CCDC3: variants seen among roughly 807,000 people sequenced by gnomAD.
CCDC3 encodes coiled-coil domain-containing protein 3.
CCDC3 carries 24 observed loss-of-function variants against 21.4 expected under a neutral mutation model. The observed-to-expected ratio is 1.12, with a 90% CI of 0.81 to 1.58. The LOEUF is 1.58. Among genes scored for constraint, CCDC3 ranks in the 40% most tolerant of loss-of-function variants. The probability of loss-of-function intolerance (pLI) is 0.00; values close to 1 mark genes in which losing one functional copy is unlikely to be tolerated. For missense variants in CCDC3, 425 were observed against 360.9 expected (o/e 1.18, Z -1.44); for synonymous variants, 186 against 166.0 (o/e 1.12, Z -0.93).
chr10:13,066,733 C>A (rs577408476), intron 4 of CCDC3, among the ~76,000 whole-genome samples: 2 of 152,252 alleles, frequency 1.3e-5, no homozygotes, highest in African/African-American at 4.8e-5. Flanking sequence ...CCTGCCCACA[C>A]GTGCACTGGG....
chr10:13,005,129 T>C (rs1835911247), upstream of CCDC3, among the ~76,000 whole-genome samples: 2 of 152,158 alleles, frequency 1.3e-5, no homozygotes, highest in Admixed American at 6.5e-5. Context: ...TACAACAAAA[T>C]CTGCTGCTCA....
At chr10:12,968,636 G>A (rs1012951771) in intron 2 of CCDC3, among the ~76,000 whole-genome samples, 3 of 152,096 alleles carry the variant, frequency 2.0e-5, no homozygotes, top group Non-Finnish European at 4.4e-5. Context: ...TTAGTATGAA[G>A]GTTAAAAGAT....
chr10:12,991,800 A>C (rs939128345), intron 2 of CCDC3, among the ~76,000 whole-genome samples: 1 of 152,210 alleles, frequency 6.6e-6, no homozygotes, highest in East Asian at 1.9e-4. Flanking sequence ...TCTGAACACT[A>C]AACAGTTAGA....
At chr10:13,016,699 G>A (rs1836066701) in intron 5 of CCDC3, among the ~76,000 whole-genome samples, 1 of 151,974 alleles carries the variant, frequency 6.6e-6, no homozygotes. Context: ...CTCTCAAGTG[G>A]GGCCTCCTTC....
intron 5 of CCDC3, among the ~76,000 whole-genome samples, chr10:13,019,193 C>T (rs568164805): frequency 7.2e-5 from 11 of 151,990 alleles, no homozygotes; most frequent in Non-Finnish European, 1.5e-4. Flanking sequence ...TTGATCGTGC[C>T]ACTGCACTTC....
intron 2 of CCDC3, among the ~76,000 whole-genome samples, chr10:12,994,340 G>A (rs1023959185): frequency 2.0e-5 from 3 of 151,396 alleles, no homozygotes; most frequent in Non-Finnish European, 4.4e-5. Context: ...AGAGGCTGCA[G>A]TAAGCCGAGA....
intron 2 of CCDC3, among the ~76,000 whole-genome samples, chr10:12,947,842 G>A (rs577846749): frequency 6.6e-6 from 1 of 152,298 alleles, no homozygotes; most frequent in South Asian, 2.1e-4. Context: ...TGCTAAGCAC[G>A]GCCTCCTGAC....
chr10:13,023,922 A>G (rs976707535), intron 5 of CCDC3, among the ~76,000 whole-genome samples: 1 of 152,126 alleles, frequency 6.6e-6, no homozygotes, highest in African/African-American at 2.4e-5. Flanking sequence ...CCTGCAATAG[A>G]CATTCCTACT....
chr10:13,016,843 C>A (rs1836068620), intron 5 of CCDC3, among the ~76,000 whole-genome samples: 1 of 152,076 alleles, frequency 6.6e-6, no homozygotes, highest in Non-Finnish European at 1.5e-5. Flanking sequence ...AAGAGGCGAC[C>A]TAGCACATGT....
Position 13,052,428 on chromosome 10 carries a change from C to T in CCDC3, c.-269-2487G>A, listed in dbSNP as rs529966742. Among the ~76,000 whole-genome samples, 21 of 152,274 alleles carry T rather than the reference C, an allele frequency of 1.4e-4. No individual in the cohort carries two copies. The South Asian group carries it at 1.9e-3, about 14-fold the overall frequency. On this transcript the variant is annotated intron_variant, in intron 4 of 6. Coordinates refer to the CCDC3 transcript ENST00000378839. ...ATTGCTTACCTGATTTGATCAGGTA[C>T]GTTGTTTTATTCTATTCCATTTTAT...
chr10:13,084,831 G>A (rs1837083744), intron 3 of CCDC3, among the ~76,000 whole-genome samples: 1 of 152,162 alleles, frequency 6.6e-6, no homozygotes. Context: ...CTAGGGAGAG[G>A]AAGGAGAGCA....
At chr10:12,937,419 A>C (rs1337764766) in intron 2 of CCDC3, among the ~76,000 whole-genome samples, 1 of 152,144 alleles carries the variant, frequency 6.6e-6, no homozygotes, top group Non-Finnish European at 1.5e-5. Flanking sequence ...TGTCACCAGA[A>C]GACATCAGAT....
At chr10:13,090,633 C>A (rs974857147) in intron 3 of CCDC3, among the ~76,000 whole-genome samples, 5 of 152,202 alleles carry the variant, frequency 3.3e-5, no homozygotes, top group African/African-American at 1.2e-4. Flanking sequence ...TCCCCCAGGG[C>A]AGCTGCCTGT....
upstream of CCDC3, among the ~76,000 whole-genome samples, chr10:13,004,615 G>C (rs1402225111): frequency 7.3e-6 from 1 of 136,762 alleles, no homozygotes; most frequent in Non-Finnish European, 1.5e-5. Flanking sequence ...CTGCCACCAG[G>C]TGGCTGACTA....
chr10:13,018,384 T>C (rs1836096962), intron 5 of CCDC3, among the ~76,000 whole-genome samples: 1 of 152,092 alleles, frequency 6.6e-6, no homozygotes, highest in African/African-American at 2.4e-5. Flanking sequence ...ATCCCTGACA[T>C]ACTTGTCTGA....
At chr10:12,958,449 AC>A (rs1589021600) in intron 2 of CCDC3, among the ~76,000 whole-genome samples, 1 of 151,748 alleles carries the variant, frequency 6.6e-6, no homozygotes, top group Admixed American at 6.6e-5. Context: ...GAGATGATAG[AC>A]CCCCTCCTGC....
intron 2 of CCDC3, among the ~76,000 whole-genome samples, chr10:12,933,606 A>T (rs10795996): frequency 6.6e-6 from 1 of 151,802 alleles, no homozygotes; most frequent in Non-Finnish European, 1.5e-5. Flanking sequence ...ACAGACATGC[A>T]CAACCACGCC....
Position 13,001,179 on chromosome 10 carries a change from C to CGGCG in CCDC3, c.374+14_374+17dup, listed in dbSNP as rs1835844665. 2.6e-6 allele frequency: 4 copies of CGGCG among 1,542,646 alleles called. No homozygotes were observed. The South Asian group carries it at 3.6e-5, about 14-fold the overall frequency. ...GCGCAGAGAGAGAGAGAGGTGGCGG[C>CGGCG]GGCGCCGCCGGGCTCACCTGAGGAA... On this transcript the variant is annotated intron_variant, in intron 1 of 2. Transcript: ENST00000378825.
At chr10:12,980,607 G>A (rs1298723364) in intron 2 of CCDC3, among the ~76,000 whole-genome samples, 1 of 152,168 alleles carries the variant, frequency 6.6e-6, no homozygotes, top group East Asian at 1.9e-4. Context: ...AAGTTTGCAT[G>A]AGCTAAGATG....
Sources: allele counts gnomAD v4.1 joint callset (sites outside exome capture counted in the v4.1 genomes callset), GRCh38; gene constraint gnomAD v4.1.1; transcripts MANE v1.5; gene names NCBI Gene and HGNC (gene_info 2026-07-23, HGNC 2026-07-21).